Variants in PNRC2 observed in about 807,000 individuals in gnomAD.
PNRC2 encodes proline rich nuclear receptor coactivator 2.
PNRC2 carries 2 observed loss-of-function variants against 12.2 expected under a neutral mutation model. The observed-to-expected ratio is 0.16, with a 90% CI of 0.07 to 0.52. The LOEUF (loss-of-function observed/expected upper bound fraction) is 0.52. PNRC2 is among the 20% of genes least tolerant of loss of function. The pLI, the probability that PNRC2 is intolerant of heterozygous loss-of-function variation, is 0.95. For synonymous variants in PNRC2, 44 were observed against 53.9 expected (o/e 0.82, Z 0.80); for missense variants, 115 against 158.4 (o/e 0.73, Z 1.47).
chr1:23,960,368 G>T (rs560032320), intron 1 of PNRC2, among the ~76,000 whole-genome samples: 1 of 152,244 alleles, frequency 6.6e-6, no homozygotes, highest in African/African-American at 2.4e-5. Context: ...AAGTTAAGCT[G>T]TTCCCTCTAG....
At chr1:23,960,076 G>A (rs966706491) in intron 1 of PNRC2, 78 bp downstream of exon 1, 6 of 152,168 alleles carry the variant, frequency 3.9e-5, no homozygotes, top group African/African-American at 1.2e-4. Context: ...GGCGAGCGGA[G>A]GCGAGATCCG....
rs1641302099 is a variant in PNRC2 at position 23,962,574 on chromosome 1, T to C, written c.*697T>C. On this transcript the variant is annotated 3_prime_UTR_variant, in exon 3 of 3. Coordinates refer to ENST00000334351, the MANE Select transcript of PNRC2 (RefSeq NM_017761.4). ...CTATTCTAATAGTGCTCTGGCCTCATCATTCCTGCAAAGCTTGCTTTGGGG... is the reference window on the plus strand; with the variant it reads ...CTATTCTAATAGTGCTCTGGCCTCACCATTCCTGCAAAGCTTGCTTTGGGG... The C allele has an allele frequency of 6.0e-6, 1 of 167,096 alleles. No individual in the cohort carries two copies. Among genetic ancestry groups the C allele is most frequent in the Non-Finnish European group, 1.5e-5 (1 of 68,116 alleles). The allele number at this position is 167,096 out of a possible 1,614,324, so 10.4% of individuals were successfully genotyped here. A position where few individuals can be genotyped will look rare whatever the true frequency, so the allele number is the denominator to read the frequency against.
In PNRC2 at chr1:23,962,030, A is replaced by G. The variant is rs1234892523; in HGVS notation, c.*153A>G. On this transcript the variant is annotated 3_prime_UTR_variant, in exon 3 of 3. Coordinates refer to ENST00000334351, the MANE Select transcript of PNRC2 (RefSeq NM_017761.4). ...TGCACTGTGATATAATGGTAGTATC[A>G]GTGCAACTTAAACTAATGATTGTAC... 1 of 541,630 alleles carries G rather than the reference A, an allele frequency of 1.8e-6. No homozygotes were observed. Among genetic ancestry groups the G allele is most frequent in the South Asian group, 2.5e-5 (1 of 40,208 alleles). The allele number at this position is 541,630 out of a possible 1,614,324, so 33.6% of individuals were successfully genotyped here. A position where few individuals can be genotyped will look rare whatever the true frequency, so the allele number is the denominator to read the frequency against.
rs1218688651 is a variant in PNRC2, at chr1:23,961,451, G to C, written c.-7G>C. On this transcript the variant is annotated 5_prime_UTR_variant, in exon 3 of 3. Transcript: ENST00000334351. ...CCATTCACTTGTAGGTGACAAAGAAGCTGAAGATGGGTGGTGGAGAGAGGT... is the reference window on the plus strand; with the variant it reads ...CCATTCACTTGTAGGTGACAAAGAACCTGAAGATGGGTGGTGGAGAGAGGT... 1.5e-5 allele frequency: 23 copies of C among 1,578,194 alleles called. No individual in the cohort carries two copies. Among genetic ancestry groups the C allele is most frequent in the Non-Finnish European group, 2.0e-5 (23 of 1,165,216 alleles).
chr1:23,959,661 C>T (rs1261026518), upstream of PNRC2, among the ~76,000 whole-genome samples: 5 of 152,188 alleles, frequency 3.3e-5, no homozygotes, highest in Non-Finnish European at 5.9e-5. Flanking sequence ...TCCTCCTCCC[C>T]GGGCAGATTT....
At chr1:23,961,291 CTTT>C (rs1221317034) in intron 2 of PNRC2, 146 bp from the exon 3 acceptor site, 1 of 210,058 alleles carries the variant, frequency 4.8e-6, no homozygotes, top group East Asian at 7.6e-5. Context: ...GAACGGCTTG[CTTT>C]TTTGAGTTTA....
chr1:23,959,431 C>T (rs1039687855), upstream of PNRC2, among the ~76,000 whole-genome samples: 22 of 152,216 alleles, frequency 1.4e-4, no homozygotes, highest in Non-Finnish European at 2.9e-4. Context: ...TCAATACAGG[C>T]TACAGGACTC....
In PNRC2 at chr1:23,961,958, T is replaced by A. The variant is rs1641288492; in HGVS notation, c.*81T>A. 1 of 764,050 alleles carries A rather than the reference T, an allele frequency of 1.3e-6. No individual in the cohort carries two copies. The allele number at this position is 764,050 out of a possible 1,614,324, so 47.3% of individuals were successfully genotyped here. On this transcript the variant is annotated 3_prime_UTR_variant, in exon 3 of 3. Transcript: ENST00000334351. ...AAACAAATTCGCTAGGGAATCTATT[T>A]GTGTAGAACTAATTAATGTAAAAAA...
At position 23,963,144 on chromosome 1, in the gene PNRC2, A is replaced by G. The variant is rs1257676061; in HGVS notation, c.*1267A>G. On this transcript the variant is annotated 3_prime_UTR_variant, in exon 3 of 3. Transcript: ENST00000334351. ...TGGACCACTTATGCAAAAGATGTAA[A>G]CTCTTGCATAATACATTGATAACAT... The G allele has an allele frequency of 6.0e-6, 1 of 166,998 alleles. No individual in the cohort carries two copies. The highest frequency in any genetic ancestry group is 1.5e-5 in the Non-Finnish European group (1 of 68,070). 10.3% of individuals were successfully genotyped at this position (166,998 alleles called of 1,614,324 possible).
At chr1:23,959,662 G>A (rs772921244), upstream of PNRC2, 1 of 152,700 alleles carries the variant, frequency 6.5e-6, no homozygotes, top group Non-Finnish European at 1.5e-5. Context: ...CCTCCTCCCC[G>A]GGCAGATTTC....
Position 23,961,844 on chromosome 1 carries a change from T to G in PNRC2, c.387T>G (p.Phe129Leu). Reference protein sequence around the residue: ...FNPSDKEIMTFQLKTLLKVQV With the variant: ...FNPSDKEIMTLQLKTLLKVQV ...CTTCAGATAAGGAAATAATGACATT[T>G]CAACTTAAAACCTTACTTAAAGTAC... The change falls in exon 3 of 3, where the codon TTT becomes TTG. Residue 129 changes from phenylalanine (F) to leucine (L), a missense_variant. Physicochemically the swap from Phe to Leu is conservative, Grantham distance 22. Transcript: ENST00000334351. 7 of 1,587,374 alleles carry G rather than the reference T, an allele frequency of 4.4e-6. No homozygotes were observed. Among genetic ancestry groups the G allele is most frequent in the Non-Finnish European group, 6.0e-6 (7 of 1,160,852 alleles).
chr1:23,961,128 C>T lies in PNRC2; in HGVS notation c.-25C>T. On this transcript the variant is annotated 5_prime_UTR_variant, in exon 2 of 3. Transcript: ENST00000334351. Reference sequence around the variant, plus strand: ...GAGATCCTGCAATCTGAAAAGCAGACTGAAAGGTAATCATCATAATGGGCA... The same window carrying T: ...GAGATCCTGCAATCTGAAAAGCAGATTGAAAGGTAATCATCATAATGGGCA... 1 of 414,580 alleles carries T rather than the reference C, an allele frequency of 2.4e-6. No homozygotes were observed. The highest frequency in any genetic ancestry group is 4.3e-6 in the Non-Finnish European group (1 of 234,320). 25.7% of individuals were successfully genotyped at this position (414,580 alleles called of 1,614,324 possible). A position where few individuals can be genotyped will look rare whatever the true frequency, so the allele number is the denominator to read the frequency against.
chr1:23,961,694 A>C lies in PNRC2; in HGVS notation c.237A>C (p.Ser79=), dbSNP rs10493018. The C allele has an allele frequency of 0.039, 63,255 of 1,613,470 alleles. 1,465 individuals carry two copies. Among genetic ancestry groups the C allele is most frequent in the African/African-American group, 0.13 (9,534 of 74,896 alleles). The change falls in exon 3 of 3, where the codon TCA becomes TCC. Residue 79 remains serine, a synonymous_variant. Coordinates refer to ENST00000334351, the MANE Select transcript of PNRC2 (RefSeq NM_017761.4). ...PNNQSWNSSL[S]GPRLLFKSQA... is the part of the protein sequence containing the mutation. ...ATCAAAGTTGGAATTCTAGCTTATCAGGTCCCAGGTTACTTTTTAAATCTC... is the reference window on the plus strand; with the variant it reads ...ATCAAAGTTGGAATTCTAGCTTATCCGGTCCCAGGTTACTTTTTAAATCTC...
Position 23,961,572 on chromosome 1 carries a change from G to A in PNRC2, c.115G>A (p.Val39Ile). 1.2e-6 allele frequency: 2 copies of A among 1,613,856 alleles called. No homozygotes were observed. The highest frequency in any genetic ancestry group is 2.2e-5 in the South Asian group (2 of 91,076). ...GGAACAGAATTCCCAGATGAAGATTGTTCATAAGAAAAAAGAAAGAGGACA... is the reference window on the plus strand; with the variant it reads ...GGAACAGAATTCCCAGATGAAGATTATTCATAAGAAAAAAGAAAGAGGACA... ...TKEQNSQMKI[V>I]HKKKERGHGY... The change falls in exon 3 of 3, where the codon GTT becomes ATT. Residue 39 changes from valine to isoleucine, a missense_variant. Val to Ile is a conservative substitution (Grantham distance 29, BLOSUM62 3). Around this residue, in one of 2 missense-constraint regions of PNRC2, gnomAD observed 98 missense variants for 112.4 expected, o/e 0.87. Coordinates refer to ENST00000334351, the MANE Select transcript of PNRC2 (RefSeq NM_017761.4).
Position 23,960,368 on chromosome 1 carries a change from G to A in PNRC2, c.-225+370G>A, listed in dbSNP as rs560032320. Among the ~76,000 whole-genome samples, 5 of 152,362 alleles carry A rather than the reference G, an allele frequency of 3.3e-5. No homozygotes were observed. The East Asian group carries it at 9.6e-4, about 29-fold the overall frequency. On this transcript the variant is annotated intron_variant, in intron 1 of 2. Transcript: ENST00000334351. ...AAAACCAAACCTTGAAAGTTAAGCT[G>A]TTCCCTCTAGGGAGACATTTTTATA... is the stretch of plus-strand genomic sequence containing the variant.
Position 23,963,442 on chromosome 1 carries a change from G to T in PNRC2, c.*1565G>T. On this transcript the variant is annotated 3_prime_UTR_variant, in exon 3 of 3. Coordinates refer to ENST00000334351, the MANE Select transcript of PNRC2 (RefSeq NM_017761.4). ...AAATTAAATAAAATTTTTCCCCATT[G>T]GCTTGGTTTTATTTTAAAAATGGTT... The T allele has an allele frequency of 6.1e-6, 1 of 164,996 alleles. No homozygotes were observed. 10.2% of individuals were successfully genotyped at this position (164,996 alleles called of 1,614,324 possible). A position where few individuals can be genotyped will look rare whatever the true frequency, so the allele number is the denominator to read the frequency against.
At chr1:23,959,528 G>A (rs1228766943), upstream of PNRC2, among the ~76,000 whole-genome samples, 1 of 151,924 alleles carries the variant, frequency 6.6e-6, no homozygotes, top group Admixed American at 6.5e-5. Flanking sequence ...CCGCGCGCAC[G>A]AGAGCCGAGC....
intron 1 of PNRC2, among the ~76,000 whole-genome samples, chr1:23,960,666 T>C (rs919588567): frequency 6.6e-6 from 1 of 152,184 alleles, no homozygotes; most frequent in African/African-American, 2.4e-5. Context: ...TGAAGGTCTT[T>C]CCCAGGAAAA....
chr1:23,960,717 C>G (rs1483995749), intron 1 of PNRC2, among the ~76,000 whole-genome samples: 6 of 152,160 alleles, frequency 3.9e-5, no homozygotes, highest in Admixed American at 2.6e-4. Context: ...GAGACACTTA[C>G]AAAAATTCCC....
Sources: allele counts gnomAD v4.1 joint callset (sites outside exome capture counted in the v4.1 genomes callset), GRCh38; gene constraint gnomAD v4.1.1; regional missense constraint gnomAD v4.1.1; transcripts MANE v1.5; gene names NCBI Gene and HGNC (gene_info 2026-07-23, HGNC 2026-07-21).